MLYCD: variants seen among roughly 807,000 people sequenced by gnomAD.
MLYCD encodes the protein malonyl-CoA decarboxylase, mitochondrial.
In MLYCD, 27 loss-of-function variants were observed where a neutral mutation model predicts 35.8. That is an observed-to-expected ratio of 0.75 (90% CI 0.56 to 1.04). The LOEUF is 1.04. MLYCD is among the 50% of genes least tolerant of loss of function. The pLI, the probability that MLYCD is intolerant of heterozygous loss-of-function variation, is 0.00. For missense variants in MLYCD, 917 were observed against 665.1 expected (o/e 1.38, Z -4.17); for synonymous variants, 403 against 302.4 (o/e 1.33, Z -3.45).
chr16:83,908,393 TAAATGG>T, intron 3 of MLYCD, 111 bp downstream of exon 3: 1 of 1,324,554 alleles, frequency 7.5e-7, no homozygotes, highest in Non-Finnish European at 1.0e-6. Context: ...TTTTTTTAAA[TAAATGG>T]TTTTGGGCTT....
rs530297642 is a variant in MLYCD at position 83,916,323 on chromosome 16, T to G, written c.*834T>G. ...ACAAAGGTGAAGGAAGGGGCAGTCATTGTGCTTGTGGGAGGAAGGCAGTTG... is the reference window on the plus strand; with the variant it reads ...ACAAAGGTGAAGGAAGGGGCAGTCAGTGTGCTTGTGGGAGGAAGGCAGTTG... On this transcript the variant is annotated 3_prime_UTR_variant, in exon 5 of 5. Coordinates refer to ENST00000262430, the MANE Select transcript of MLYCD (RefSeq NM_012213.3). 1 of 409,454 alleles carries G rather than the reference T, an allele frequency of 2.4e-6. No homozygotes were observed. The highest frequency in any genetic ancestry group is 6.4e-5 in the Admixed American group (1 of 15,656). The allele number at this position is 409,454 out of a possible 1,614,324, so 25.4% of individuals were successfully genotyped here.
chr16:83,906,904 T>G, intron 1 of MLYCD, 83 bp from the exon 2 acceptor site: 1 of 1,187,914 alleles, frequency 8.4e-7, no homozygotes, highest in Non-Finnish European at 1.3e-6. Context: ...TTGAGTGTTT[T>G]CATTCCTTGT....
Position 83,908,198 on chromosome 16 carries a change from C to T in MLYCD, c.714C>T (p.Tyr238=). ...GCGTTGGGCCCTACAGAAGGTGTTA[C>T]TTCTTTTCTCACTGTTCGACCCCTG... ...KRRVGPYRRC[Y]FFSHCSTPGE... The change falls in exon 3 of 5, where the codon TAC becomes TAT. Residue 238 remains tyrosine (Y), a synonymous_variant. Coordinates refer to ENST00000262430, the MANE Select transcript of MLYCD (RefSeq NM_012213.3). The T allele has an allele frequency of 1.2e-6, 2 of 1,614,226 alleles. No homozygotes were observed. The highest frequency in any genetic ancestry group is 1.7e-6 in the Non-Finnish European group (2 of 1,180,040).
At chr16:83,902,057 C>G (rs1225001594) in intron 1 of MLYCD, among the ~76,000 whole-genome samples, 1 of 150,794 alleles carries the variant, frequency 6.6e-6, no homozygotes, top group African/African-American at 2.4e-5. Flanking sequence ...GTAGCTGAAC[C>G]TATTAATTCC....
At chr16:83,912,488 A>C in intron 4 of MLYCD, 121 bp downstream of exon 4, 1 of 1,388,234 alleles carries the variant, frequency 7.2e-7, no homozygotes, top group Non-Finnish European at 1.0e-6. Flanking sequence ...AGGGAGGGGC[A>C]GGGGGTAGAA....
In MLYCD at chr16:83,914,979, G is replaced by A; in HGVS notation, c.972G>A (p.Val324=). The A allele has an allele frequency of 1.2e-6, 2 of 1,614,240 alleles. No individual in the cohort carries two copies. Among genetic ancestry groups the A allele is most frequent in the Non-Finnish European group, 1.7e-6 (2 of 1,180,050 alleles). Residue 324 remains valine (V), a synonymous_variant, in exon 5 of 5, where the codon GTG becomes GTA. Transcript: ENST00000262430. ...AGAGAGAGTTTCCTCACCTTGGGGT[G>A]TTTTCAAGTCTGTCACCTATACCTG... ...ELQREFPHLG[V]FSSLSPIPGF...
chr16:83,900,357 G>A (rs1014313327), intron 1 of MLYCD, among the ~76,000 whole-genome samples: 1 of 152,140 alleles, frequency 6.6e-6, no homozygotes, highest in South Asian at 2.1e-4. Context: ...ATTATGACCC[G>A]AAAGAAGGCC....
At chr16:83,914,865 C>A in intron 4 of MLYCD, 91 bp from the exon 5 acceptor site, 1 of 1,549,086 alleles carries the variant, frequency 6.5e-7, no homozygotes, top group Non-Finnish European at 8.9e-7. Flanking sequence ...AGCATGTGAG[C>A]CGTAGGTTAA....
intron 3 of MLYCD, among the ~76,000 whole-genome samples, chr16:83,911,038 A>G (rs1205217325): frequency 6.6e-6 from 1 of 152,050 alleles, no homozygotes; most frequent in Non-Finnish European, 1.5e-5. Flanking sequence ...GTGCAGTGGC[A>G]TGATCTCGGC....
intron 4 of MLYCD, chr16:83,912,771 C>G (rs1907226327): frequency 3.1e-6 from 1 of 325,924 alleles, no homozygotes; most frequent in South Asian, 2.6e-5. Flanking sequence ...CTCCCCCTGC[C>G]CCTGCCCACA....
At chr16:83,912,179 G>C (rs775672885) in intron 3 of MLYCD, 39 bp from the exon 4 acceptor site, 1 of 1,613,856 alleles carries the variant, frequency 6.2e-7, no homozygotes, top group Admixed American at 1.7e-5. Context: ...GCTGCAGAGC[G>C]GCCAGGCCAC....
rs773675948 is a variant in MLYCD, at chr16:83,914,940, C to T, written c.949-16C>T. On this transcript the variant is annotated splice_polypyrimidine_tract_variant and intron_variant, in intron 4 of 4. Transcript: ENST00000262430. ...GTTTTCTCCGCCTTCCTTTCCACCC[C>T]AACCATGCTTTACAGAGAGAGTTTC... is the stretch of plus-strand genomic sequence containing the variant. The T allele has an allele frequency of 8.7e-6, 14 of 1,614,082 alleles. No individual in the cohort carries two copies. The highest frequency in any genetic ancestry group is 1.7e-5 in the Admixed American group (1 of 60,016).
At chr16:83,899,783 C>T (rs980313105) in intron 1 of MLYCD, 111 bp downstream of exon 1, 69 of 1,293,914 alleles carry the variant, frequency 5.3e-5, no homozygotes, top group Non-Finnish European at 6.4e-5. Flanking sequence ...CCCGATAGCA[C>T]GCTCACTTCG....
chr16:83,899,404 T>C lies in MLYCD; in HGVS notation c.260T>C (p.Leu87Pro). Residue 87 changes from leucine (L) to proline (P), a missense_variant, in exon 1 of 5, where the codon CTG (leucine) becomes CCG (proline). Leu to Pro is a moderately conservative substitution (Grantham distance 98). Coordinates refer to ENST00000262430, the MANE Select transcript of MLYCD (RefSeq NM_012213.3). ...GCCGAGACGGCCCAGCGGGCCGAAC[T>C]GCTGGGCCGCCTGGCGCGGGGCTTC... ...GLAETAQRAE[L>P]LGRLARGFGV... 6.6e-7 allele frequency: 1 copy of C among 1,521,074 alleles called. No homozygotes were observed. The highest frequency in any genetic ancestry group is 1.4e-5 in the African/African-American group (1 of 69,790). The allele number at this position is 1,521,074 out of a possible 1,614,324, so 94.2% of individuals were successfully genotyped here. A position where few individuals can be genotyped will look rare whatever the true frequency, so the allele number is the denominator to read the frequency against.
intron 1 of MLYCD, among the ~76,000 whole-genome samples, chr16:83,901,104 G>A (rs142428891): frequency 3.9e-5 from 6 of 152,290 alleles, no homozygotes; most frequent in Admixed American, 3.3e-4. Context: ...AATTTACAGC[G>A]CTAAGTGTTA....
intron 1 of MLYCD, 93 bp downstream of exon 1, chr16:83,899,765 C>A: frequency 7.3e-7 from 1 of 1,366,082 alleles, no homozygotes; most frequent in South Asian, 1.5e-5. Context: ...CACACCCCGC[C>A]TTCCCTGCCC....
Position 83,918,378 on chromosome 16 carries a change from A to G in MLYCD, c.*2889A>G, listed in dbSNP as rs1173795328. 2 of 149,820 alleles carry G rather than the reference A, an allele frequency of 1.3e-5. No individual in the cohort carries two copies. The highest frequency in any genetic ancestry group is 1.3e-4 in the Admixed American group (2 of 15,102). 9.3% of individuals were successfully genotyped at this position (149,820 alleles called of 1,614,324 possible). ...ACAGGAGAACACGCACACATGTTGC[A>G]CAGGAGAATTCACACACAGTGCACA... On this transcript the variant is annotated 3_prime_UTR_variant, in exon 5 of 5. Coordinates refer to ENST00000262430, the MANE Select transcript of MLYCD (RefSeq NM_012213.3).
At position 83,915,687 on chromosome 16, in the gene MLYCD, G is replaced by T; in HGVS notation, c.*198G>T. The T allele has an allele frequency of 1.0e-5, 15 of 1,467,508 alleles. 2 individuals are homozygous for T. In the South Asian group the frequency reaches 2.0e-4, roughly 20 times the overall value. The allele number at this position is 1,467,508 out of a possible 1,614,324, so 90.9% of individuals were successfully genotyped here. A position where few individuals can be genotyped will look rare whatever the true frequency, so the allele number is the denominator to read the frequency against. On this transcript the variant is annotated 3_prime_UTR_variant, in exon 5 of 5. Transcript: ENST00000262430. Reference sequence around the variant, plus strand: ...CGTGACATGCACCCAGTGCAAGACGGTTGTGGGTGCGGGTGCACACAAATG... The same window carrying T: ...CGTGACATGCACCCAGTGCAAGACGTTTGTGGGTGCGGGTGCACACAAATG...
rs189871352 is a variant in MLYCD, at chr16:83,910,722, C to G, written c.799-1496C>G. ...AAAAAAAAAAAGAAAGGAGATAAGCCTGGGAGTGATGTGAAGTGAGCTCCG... is the reference window on the plus strand; with the variant it reads ...AAAAAAAAAAAGAAAGGAGATAAGCGTGGGAGTGATGTGAAGTGAGCTCCG... On this transcript the variant is annotated intron_variant, in intron 3 of 4. Coordinates refer to ENST00000262430, the MANE Select transcript of MLYCD (RefSeq NM_012213.3). Among the ~76,000 whole-genome samples, 49 of 151,954 alleles carry G rather than the reference C, an allele frequency of 3.2e-4. No homozygotes were observed. The East Asian group carries it at 8.4e-3, about 26-fold the overall frequency.
Sources: allele counts gnomAD v4.1 joint callset (sites outside exome capture counted in the v4.1 genomes callset), GRCh38; gene constraint gnomAD v4.1.1; transcripts MANE v1.5; gene names NCBI Gene and HGNC (gene_info 2026-07-23, HGNC 2026-07-21).